HPSE2: variants seen among roughly 807,000 people sequenced by gnomAD.
HPSE2 encodes inactive heparanase-2.
A neutral mutation model predicts 60.5 loss-of-function variants in HPSE2; 38 were observed. The ratio of observed to expected loss-of-function variants is 0.63; its 90% CI spans 0.48 to 0.82. The LOEUF (loss-of-function observed/expected upper bound fraction) is 0.82. Among genes scored for constraint, HPSE2 ranks in the 40% least tolerant of loss-of-function variants. The probability of loss-of-function intolerance (pLI) is 0.00; values close to 1 mark genes in which losing one functional copy is unlikely to be tolerated. For synonymous variants in HPSE2, 295 were observed against 293.2 expected, an observed-to-expected ratio of 1.01 and a Z score of -0.06; for missense variants, 713 against 740.4, an observed-to-expected ratio of 0.96 and a Z score of 0.43.
At chr10:99,296,916 C>A in the HPSE2 span, among the ~76,000 whole-genome samples, 6 of 152,068 alleles carry the variant, frequency 3.9e-5, no homozygotes, top group Non-Finnish European at 8.8e-5. Flanking sequence ...GGCAGGAAGG[C>A]AATCATCGAT....
intron 3 of HPSE2, among the ~76,000 whole-genome samples, chr10:98,846,423 C>T (rs1952036289): frequency 6.6e-6 from 1 of 152,166 alleles, no homozygotes; most frequent in Non-Finnish European, 1.5e-5. Flanking sequence ...TTAAAAAATA[C>T]AGCACAAGGC....
chr10:98,589,878 C>A (rs914513028), intron 9 of HPSE2, among the ~76,000 whole-genome samples: 1 of 152,182 alleles, frequency 6.6e-6, no homozygotes, highest in East Asian at 1.9e-4. Context: ...TTGACTCAAA[C>A]CCCTCTTGGA....
At chr10:98,649,634 C>T (rs949224937) in intron 6 of HPSE2, among the ~76,000 whole-genome samples, 3 of 151,996 alleles carry the variant, frequency 2.0e-5, no homozygotes, top group African/African-American at 7.2e-5. Flanking sequence ...AAACAATTAC[C>T]ACAAAACCAA....
intron 3 of HPSE2, among the ~76,000 whole-genome samples, chr10:98,753,578 T>C (rs1022134248): frequency 2.0e-5 from 3 of 152,226 alleles, no homozygotes; most frequent in African/African-American, 7.2e-5. Context: ...TAAAAAGGAA[T>C]GAAGCACTTT....
chr10:98,733,652 T>G (rs1949281580), intron 4 of HPSE2, among the ~76,000 whole-genome samples: 1 of 152,080 alleles, frequency 6.6e-6, no homozygotes, highest in Admixed American at 6.6e-5. Context: ...ATTTAGTATT[T>G]TGAGGTCCAA....
intron 3 of HPSE2, among the ~76,000 whole-genome samples, chr10:99,114,410 G>T (rs1236183248): frequency 6.6e-6 from 1 of 152,140 alleles, no homozygotes; most frequent in African/African-American, 2.4e-5. Context: ...TGAGAAAACA[G>T]GAGAGCTAAA....
chr10:99,261,833 C>T, the HPSE2 span, among the ~76,000 whole-genome samples: 13 of 152,110 alleles, frequency 8.5e-5, no homozygotes, highest in African/African-American at 2.9e-4. Flanking sequence ...TCAGGCATTC[C>T]TTCAGGACCT....
At chr10:98,500,061 C>A (rs1197664306) in intron 9 of HPSE2, among the ~76,000 whole-genome samples, 1 of 152,124 alleles carries the variant, frequency 6.6e-6, no homozygotes, top group African/African-American at 2.4e-5. Context: ...TAGACAGCAA[C>A]ACAGTAATAG....
intron 2 of HPSE2, among the ~76,000 whole-genome samples, chr10:99,200,047 A>G (rs779006710): frequency 6.6e-6 from 1 of 152,056 alleles, no homozygotes; most frequent in African/African-American, 2.4e-5. Context: ...GCTATTGTAA[A>G]TGGAATTGTT....
chr10:98,885,802 T>C (rs1327383841), intron 3 of HPSE2, among the ~76,000 whole-genome samples: 1 of 152,136 alleles, frequency 6.6e-6, no homozygotes, highest in Non-Finnish European at 1.5e-5. Context: ...AAACCTCATA[T>C]GACTTGCTTT....
intron 4 of HPSE2, among the ~76,000 whole-genome samples, chr10:98,742,094 T>C (rs1438762942): frequency 1.3e-5 from 2 of 152,156 alleles, no homozygotes; most frequent in Non-Finnish European, 2.9e-5. Flanking sequence ...CCTGCTTTTG[T>C]TGTCAAATGT....
At chr10:98,788,935 G>T (rs552102438) in intron 3 of HPSE2, among the ~76,000 whole-genome samples, 3 of 152,122 alleles carry the variant, frequency 2.0e-5, no homozygotes, top group Non-Finnish European at 2.9e-5. Flanking sequence ...GCTGTAGACC[G>T]GAGCTGTTCC....
intron 3 of HPSE2, among the ~76,000 whole-genome samples, chr10:98,815,878 G>C (rs909258948): frequency 2.6e-5 from 4 of 151,788 alleles, no homozygotes; most frequent in South Asian, 2.1e-4. Flanking sequence ...TCCTTTGTAG[G>C]GACACGGATG....
At position 99,144,384 on chromosome 10, in the gene HPSE2, T is replaced by C. The variant is rs1166363732; in HGVS notation, c.464A>G (p.Asp155Gly). The C allele has an allele frequency of 1.9e-6, 3 of 1,613,596 alleles. No homozygotes were observed. In the East Asian group the frequency reaches 6.7e-5, roughly 36 times the overall value. Reference protein sequence around the residue: ...KNYEDDIVRSDVALDKQKGCK... With the variant: ...KNYEDDIVRSGVALDKQKGCK... ...GCCTTTCTGTTTATCTAAGGCAACA[T>C]CACTTCGAACAATGTCTACAAAAAG... The change falls in exon 3 of 12, where the codon GAT becomes GGT. Residue 155 changes from aspartate (D) to glycine (G), a missense_variant. Coordinates refer to ENST00000370552, the MANE Select transcript of HPSE2 (RefSeq NM_021828.5).
At position 98,620,822 on chromosome 10, in the gene HPSE2, T is replaced by G. The variant is rs1946054070; in HGVS notation, c.1099-114A>C. 6.3e-6 allele frequency: 5 copies of G among 789,880 alleles called. No individual in the cohort carries two copies. In the South Asian group the frequency reaches 7.3e-5, roughly 12 times the overall value. The allele number at this position is 789,880 out of a possible 1,614,324, so 48.9% of individuals were successfully genotyped here. On this transcript the variant is annotated intron_variant, in intron 7 of 11. Coordinates refer to ENST00000370552, the MANE Select transcript of HPSE2 (RefSeq NM_021828.5). ...GATCTGATTTCCTGTTTTCAGGGGG[T>G]CATGATTTGTGCTTTCTTATGATGA...
intron 2 of HPSE2, among the ~76,000 whole-genome samples, chr10:99,187,287 T>A (rs1231735115): frequency 2.6e-5 from 4 of 152,192 alleles, no homozygotes; most frequent in Non-Finnish European, 4.4e-5. Context: ...CAGAGAAGTG[T>A]ACTTATACTT....
chr10:99,057,739 C>A (rs545844114), intron 3 of HPSE2, among the ~76,000 whole-genome samples: 52 of 152,296 alleles, frequency 3.4e-4, no homozygotes, highest in African/African-American at 1.2e-3. Flanking sequence ...GGATTCTAAT[C>A]AAGCTGACAT....
At chr10:98,823,833 T>G (rs576545167) in intron 3 of HPSE2, among the ~76,000 whole-genome samples, 1 of 152,214 alleles carries the variant, frequency 6.6e-6, no homozygotes, top group South Asian at 2.1e-4. Context: ...AGATAGAAAC[T>G]GTCAATAAGA....
chr10:99,221,964 G>C (rs1396389511), intron 2 of HPSE2, among the ~76,000 whole-genome samples: 1 of 152,114 alleles, frequency 6.6e-6, no homozygotes, highest in Admixed American at 6.5e-5. Flanking sequence ...GATGGAGAGA[G>C]GCTGAAAACA....
Sources: gnomAD v4.1 joint callset for allele counts (sites outside exome capture counted in the v4.1 genomes callset) on GRCh38, gnomAD v4.1.1 for gene constraint, MANE v1.5 for transcripts, NCBI Gene and HGNC (gene_info 2026-07-23, HGNC 2026-07-21) for gene names.